WWOX: variants seen among roughly 807,000 people sequenced by gnomAD.
WWOX encodes WW domain containing oxidoreductase, also known as WW domain-containing oxidoreductase.
Under a neutral mutation model 46.2 loss-of-function variants are expected in WWOX, and 69 were observed. The observed-to-expected ratio is 1.49, with a 90% CI of 1.23 to 1.82. The LOEUF (loss-of-function observed/expected upper bound fraction) is 1.82, where lower values mean the gene tolerates loss of function less well. Ranked by LOEUF, WWOX falls within the 40% of genes most tolerant of loss-of-function variation. WWOX has a pLI of 0.00. For synonymous variants in WWOX, 359 were observed against 202.6 expected, an observed-to-expected ratio of 1.77 and a Z score of -6.56; for missense variants, 919 against 542.6, an observed-to-expected ratio of 1.69 and a Z score of -6.89.
intron 8 of WWOX, among the ~76,000 whole-genome samples, chr16:78,991,578 G>A (rs1301180052): frequency 8.0e-6 from 1 of 124,408 alleles, no homozygotes; most frequent in African/African-American, 3.1e-5. Context: ...TCCAGACTGG[G>A]AGACACAGCA....
intron 8 of WWOX, among the ~76,000 whole-genome samples, chr16:78,527,105 G>A (rs758161139): frequency 3.3e-5 from 5 of 152,044 alleles, no homozygotes; most frequent in Non-Finnish European, 1.5e-5. Context: ...TGAGGTTGTG[G>A]TGAGCCGAGA....
chr16:78,397,232 G>A (rs74028167), intron 6 of WWOX, among the ~76,000 whole-genome samples: 2,049 of 151,042 alleles, frequency 0.014, 46 homozygotes, highest in African/African-American at 0.046. Flanking sequence ...ACAACTAAGT[G>A]CTGTTTCAAT....
rs150709994 is a variant in WWOX, at chr16:78,937,829, T to C, written c.1057-273779T>C. 9.9e-3 allele frequency among the ~76,000 whole-genome samples: 1,502 copies of C among 152,174 alleles called. 26 individuals carry two copies. The highest frequency in any genetic ancestry group is 0.035 in the African/African-American group (1,438 of 41,504). On this transcript the variant is annotated intron_variant, in intron 8 of 8. Coordinates refer to ENST00000566780, the MANE Select transcript of WWOX (RefSeq NM_016373.4). The stretch of plus-strand genomic sequence containing the variant: ...TTTAAATAGAGGTCTGTTTTTACTA[T>C]GTTGGCCAGGCTGGTCTGGAACTCC...
intron 8 of WWOX, among the ~76,000 whole-genome samples, chr16:78,683,426 G>C (rs973450993): frequency 1.3e-5 from 2 of 151,910 alleles, no homozygotes; most frequent in African/African-American, 4.8e-5. Context: ...TGTAATCCCA[G>C]CTACTCTGGA....
intron 8 of WWOX, among the ~76,000 whole-genome samples, chr16:78,711,298 G>A (rs1262688939): frequency 2.6e-5 from 4 of 152,170 alleles, no homozygotes; most frequent in Non-Finnish European, 5.9e-5. Flanking sequence ...CCCTTTTGAA[G>A]ACATTTACTA....
intron 8 of WWOX, among the ~76,000 whole-genome samples, chr16:78,828,516 A>T (rs1286059545): frequency 6.6e-6 from 1 of 151,856 alleles, no homozygotes; most frequent in Non-Finnish European, 1.5e-5. Context: ...TTTTTAAATT[A>T]TCATTAGTAT....
At chr16:78,654,128 G>A (rs1438505063) in intron 8 of WWOX, among the ~76,000 whole-genome samples, 1 of 152,172 alleles carries the variant, frequency 6.6e-6, no homozygotes, top group Non-Finnish European at 1.5e-5. Flanking sequence ...GCCAGGGTCT[G>A]GACTCAAGAT....
intron 8 of WWOX, among the ~76,000 whole-genome samples, chr16:79,211,329 G>A (rs1478827838): frequency 1.3e-5 from 2 of 152,168 alleles, no homozygotes; most frequent in Admixed American, 6.5e-5. Context: ...CTGCCACGAC[G>A]TATTGATATG....
chr16:78,853,946 C>A (rs1216454330), intron 8 of WWOX, among the ~76,000 whole-genome samples: 1 of 152,076 alleles, frequency 6.6e-6, no homozygotes, highest in Admixed American at 6.6e-5. Flanking sequence ...AAACATATGC[C>A]TTTTTATTTC....
At chr16:78,278,983 A>G (rs2079629945) in intron 5 of WWOX, among the ~76,000 whole-genome samples, 2 of 152,252 alleles carry the variant, frequency 1.3e-5, no homozygotes, top group South Asian at 2.1e-4. Flanking sequence ...TCTCTATTGT[A>G]TTATCTGAGG....
chr16:78,799,578 G>T (rs537435080), intron 8 of WWOX, among the ~76,000 whole-genome samples: 1 of 151,590 alleles, frequency 6.6e-6, no homozygotes, highest in South Asian at 2.1e-4. Context: ...GAGGGGTGAG[G>T]CTGTCAGAAG....
At chr16:78,536,932 TGA>T (rs1011369868) in intron 8 of WWOX, among the ~76,000 whole-genome samples, 10 of 149,806 alleles carry the variant, frequency 6.7e-5, no homozygotes, top group African/African-American at 1.7e-4. Context: ...CCTCCTTTTT[TGA>T]GAGAGAGAGT....
intron 8 of WWOX, among the ~76,000 whole-genome samples, chr16:78,876,471 T>TTC (rs34097430): frequency 1.4e-3 from 133 of 95,706 alleles, no homozygotes; most frequent in Non-Finnish European, 2.0e-3. Flanking sequence ...TTGACTCTTC[T>TTC]TTTTTTTTTT....
rs528785811 is a variant in WWOX at position 78,998,379 on chromosome 16, C to T, written c.1057-213229C>T. Among the ~76,000 whole-genome samples, 31 of 152,266 alleles carry T rather than the reference C, an allele frequency of 2.0e-4. No individual in the cohort carries two copies. The South Asian group carries it at 6.2e-3, about 31-fold the overall frequency. On this transcript the variant is annotated intron_variant, in intron 8 of 8. Transcript: ENST00000566780. ...GGTTTTCACGCTTTGTACTCGGGCC[C>T]AGAGCAGAGCCTACTGCCTTCACAG...
intron 8 of WWOX, among the ~76,000 whole-genome samples, chr16:79,155,931 A>G (rs1034234077): frequency 6.6e-6 from 1 of 151,840 alleles, no homozygotes; most frequent in African/African-American, 2.4e-5. Flanking sequence ...CTCTCTGTTG[A>G]TTTCTAAACA....
chr16:78,268,610 C>G (rs2079414879), intron 5 of WWOX, among the ~76,000 whole-genome samples: 1 of 152,184 alleles, frequency 6.6e-6, no homozygotes, highest in Non-Finnish European at 1.5e-5. Flanking sequence ...TCTTCACCCA[C>G]CATTTCCTAG....
intron 8 of WWOX, among the ~76,000 whole-genome samples, chr16:78,636,758 C>G (rs2046581286): frequency 6.6e-6 from 1 of 152,176 alleles, no homozygotes; most frequent in African/African-American, 2.4e-5. Flanking sequence ...TCCCCACCTG[C>G]TCTGGAGTCA....
chr16:78,761,800 A>T (rs148415081), intron 8 of WWOX, among the ~76,000 whole-genome samples: 2 of 152,264 alleles, frequency 1.3e-5, no homozygotes, highest in African/African-American at 4.8e-5. Context: ...ATAATTGTCA[A>T]CACACTTAGG....
chr16:78,396,214 C>G (rs527912332), intron 6 of WWOX, among the ~76,000 whole-genome samples: 1 of 152,138 alleles, frequency 6.6e-6, no homozygotes, highest in South Asian at 2.1e-4. Flanking sequence ...TTTTTGATAA[C>G]TTTTTATGAT....
Sources: gnomAD v4.1 joint callset for allele counts (sites outside exome capture counted in the v4.1 genomes callset) on GRCh38, gnomAD v4.1.1 for gene constraint, MANE v1.5 for transcripts, NCBI Gene and HGNC (gene_info 2026-07-23, HGNC 2026-07-21) for gene names.